FNDC1: variants seen among roughly 807,000 people sequenced by gnomAD.
FNDC1 encodes the protein fibronectin type III domain containing 1.
A neutral mutation model predicts 168.0 loss-of-function variants in FNDC1; 96 were observed. That is an observed-to-expected ratio of 0.57 (90% CI 0.48 to 0.68). FNDC1 has a LOEUF of 0.68. Ranked by LOEUF, FNDC1 falls within the 30% of genes least tolerant of loss-of-function variation. The pLI, the probability that FNDC1 is intolerant of heterozygous loss-of-function variation, is 0.00. For synonymous variants in FNDC1, 1,099 were observed against 1,025.9 expected (o/e 1.07, Z -1.36); for missense variants, 2,587 against 2,482.1 (o/e 1.04, Z -0.90).
intron 1 of FNDC1, among the ~76,000 whole-genome samples, chr6:159,186,333 C>T (rs1005119794): frequency 6.6e-6 from 1 of 152,192 alleles, no homozygotes; most frequent in Non-Finnish European, 1.5e-5. Context: ...AAACAAACAA[C>T]CTAGAATCTA....
chr6:159,234,373 T>C lies in FNDC1; in HGVS notation c.3861T>C (p.Pro1287=), dbSNP rs201264869. ...CGCAGTACACCACGCGCGCCCCACC[T>C]GGCCACTTCTCCACCACCCCGATGC... ...PWPQYTTRAP[P]GHFSTTPMLS... The change falls in exon 11 of 23, where the codon CCT becomes CCC. Residue 1287 remains proline, a synonymous_variant. Transcript: ENST00000297267. 4.9e-3 allele frequency: 7,975 copies of C among 1,613,018 alleles called. 20 individuals are homozygous for C. The highest frequency in any genetic ancestry group is 5.8e-3 in the Non-Finnish European group (6,878 of 1,179,548).
At chr6:159,253,334 T>C (rs964344867) in intron 17 of FNDC1, among the ~76,000 whole-genome samples, 2 of 152,144 alleles carry the variant, frequency 1.3e-5, no homozygotes, top group African/African-American at 4.8e-5. Context: ...CAGCTCGTCA[T>C]CCATTAGTGA....
chr6:159,269,981 G>A (rs1777708598), intron 22 of FNDC1, among the ~76,000 whole-genome samples: 2 of 152,158 alleles, frequency 1.3e-5, no homozygotes, highest in Non-Finnish European at 2.9e-5. Context: ...CTTGAGCCCA[G>A]GAGTTTGAGA....
chr6:159,239,408 G>C, intron 13 of FNDC1, 109 bp from the exon 14 acceptor site: 1 of 980,914 alleles, frequency 1.0e-6, no homozygotes, highest in Non-Finnish European at 1.5e-6. Context: ...GCCTTTTACT[G>C]ATTAAAACAT....
chr6:159,272,103 A>G lies in FNDC1; in HGVS notation c.*661A>G, dbSNP rs1020800247. ...AAAATTGCTAAATTTGTACTTGTTC[A>G]CCAGATAAATGTGTGTGGGAATTTT... On this transcript the variant is annotated 3_prime_UTR_variant, in exon 23 of 23. Coordinates refer to ENST00000297267, the MANE Select transcript of FNDC1 (RefSeq NM_032532.3). 6.6e-6 allele frequency: 1 copy of G among 152,290 alleles called. No homozygotes were observed. 9.4% of individuals were successfully genotyped at this position (152,290 alleles called of 1,614,324 possible).
chr6:159,223,404 C>T (rs1363019019), intron 6 of FNDC1, 124 bp from the exon 7 acceptor site: 1 of 557,568 alleles, frequency 1.8e-6, no homozygotes, highest in Non-Finnish European at 3.2e-6. Context: ...TTCATTTTGT[C>T]TACATTACAC....
rs551110611 is a variant in FNDC1, at chr6:159,237,401, G to A, written c.4068+1086G>A. Among the ~76,000 whole-genome samples the A allele has an allele frequency of 8.5e-5, 13 of 152,266 alleles. No individual in the cohort carries two copies. In the South Asian group the frequency reaches 2.7e-3, roughly 32 times the overall value. ...ATTTGAGTATCTGACAAGTTCCTAT[G>A]TGATGCTGAGGCTTCAGGTCCAGGA... On this transcript the variant is annotated intron_variant, in intron 12 of 22. Coordinates refer to ENST00000297267, the MANE Select transcript of FNDC1 (RefSeq NM_032532.3).
intron 1 of FNDC1, among the ~76,000 whole-genome samples, chr6:159,178,093 T>G (rs1475941793): frequency 6.6e-6 from 1 of 152,118 alleles, no homozygotes; most frequent in Non-Finnish European, 1.5e-5. Context: ...TATGCACGAA[T>G]GCCTGATAAC....
intron 7 of FNDC1, among the ~76,000 whole-genome samples, chr6:159,224,798 T>C (rs1782917805): frequency 1.3e-5 from 2 of 152,238 alleles, no homozygotes; most frequent in South Asian, 4.1e-4. Flanking sequence ...TATCAAATGC[T>C]TTCTACTGCA....
chr6:159,265,963 CAAACAAAA>C (rs896050249), intron 20 of FNDC1, 113 bp from the exon 21 acceptor site: 1 of 1,030,718 alleles, frequency 9.7e-7, no homozygotes, highest in African/African-American at 1.6e-5. Context: ...AACAAACAAA[CAAACAAAA>C]AGCCCTGTAA....
rs530933157 is a variant in FNDC1 at position 159,224,965 on chromosome 6, T to C, written c.885-570T>C. 5.3e-5 allele frequency among the ~76,000 whole-genome samples: 8 copies of C among 152,316 alleles called. No homozygotes were observed. In the South Asian group the frequency reaches 1.7e-3, roughly 32 times the overall value. ...GATAACCATGCACCACAGTTCCTTT[T>C]ATAGGTGCCTCTGTCCTGCTCTGTT... On this transcript the variant is annotated intron_variant, in intron 7 of 22. Transcript: ENST00000297267.
At position 159,233,430 on chromosome 6, in the gene FNDC1, A is replaced by G. The variant is rs1783151153; in HGVS notation, c.2918A>G (p.Asp973Gly). 1 of 1,610,790 alleles carries G rather than the reference A, an allele frequency of 6.2e-7. No homozygotes were observed. Among genetic ancestry groups the G allele is most frequent in the African/African-American group, 1.3e-5 (1 of 74,824 alleles). ...CCCAAAGCACAGCCAGGGTCCACAG[A>G]CCGCCACGCGTCCCCTGCTCGTCCG... is the stretch of plus-strand genomic sequence containing the variant. ...HSPKAQPGST[D>G]RHASPARPPA... The change falls in exon 11 of 23, where the codon GAC (aspartate) becomes GGC (glycine). Residue 973 changes from aspartate (D) to glycine (G), a missense_variant. Transcript: ENST00000297267. This position sits in a 1 kb window ranked among gnomAD's most constrained non-coding sequence, Gnocchi z 4.6.
intron 17 of FNDC1, among the ~76,000 whole-genome samples, chr6:159,252,192 G>C (rs1379329262): frequency 1.3e-5 from 2 of 152,158 alleles, no homozygotes; most frequent in African/African-American, 4.8e-5. Flanking sequence ...TATGGAAAGA[G>C]AATTGATATT....
At chr6:159,208,552 G>A (rs548656370) in intron 4 of FNDC1, among the ~76,000 whole-genome samples, 4 of 152,250 alleles carry the variant, frequency 2.6e-5, no homozygotes, top group African/African-American at 9.6e-5. Flanking sequence ...CTTGGCATTC[G>A]GCAGCCCAGC....
intron 3 of FNDC1, 63 bp downstream of exon 3, chr6:159,200,145 C>A: frequency 8.5e-7 from 1 of 1,178,830 alleles, no homozygotes; most frequent in Non-Finnish European, 1.2e-6. Flanking sequence ...GACATCCCTC[C>A]TTGCTTCTTC....
At chr6:159,194,111 C>A (rs1468530798) in intron 1 of FNDC1, among the ~76,000 whole-genome samples, 1 of 152,196 alleles carries the variant, frequency 6.6e-6, no homozygotes, top group Non-Finnish European at 1.5e-5. Context: ...CATCTGTCTC[C>A]ACTCAAAGAC....
At chr6:159,179,414 G>A (rs1047891552) in intron 1 of FNDC1, among the ~76,000 whole-genome samples, 7 of 152,154 alleles carry the variant, frequency 4.6e-5, no homozygotes, top group African/African-American at 1.7e-4. Context: ...AGCCAAGATT[G>A]GGCCACTGCA....
chr6:159,210,562 G>T (rs555671322), intron 4 of FNDC1, among the ~76,000 whole-genome samples: 5 of 152,304 alleles, frequency 3.3e-5, no homozygotes, highest in Admixed American at 1.3e-4. Context: ...GGGACTTTAC[G>T]TAAGTATTGC....
chr6:159,259,061 T>C (rs1397177758), intron 18 of FNDC1, among the ~76,000 whole-genome samples: 1 of 152,212 alleles, frequency 6.6e-6, no homozygotes, highest in Admixed American at 6.5e-5. Flanking sequence ...TTTAAATCCA[T>C]ACTTAAAACA....
Sources: gnomAD v4.1 joint callset for allele counts (sites outside exome capture counted in the v4.1 genomes callset) on GRCh38, gnomAD v4.1.1 for gene constraint, Gnocchi (gnomAD v3.1) non-coding constraint, MANE v1.5 for transcripts, NCBI Gene and HGNC (gene_info 2026-07-23, HGNC 2026-07-21) for gene names.